NBEA: variants seen among roughly 807,000 people sequenced by gnomAD.
NBEA encodes neurobeachin.
In NBEA, 44 loss-of-function variants were observed where a neutral mutation model predicts 343.4. That is an observed-to-expected ratio of 0.13 (90% CI 0.10 to 0.16). The LOEUF (loss-of-function observed/expected upper bound fraction) is 0.16, where lower values mean the gene tolerates loss of function less well. Among genes scored for constraint, NBEA ranks in the 10% least tolerant of loss-of-function variants. The pLI is 1.00. For synonymous variants in NBEA, 1,175 were observed against 1,238.7 expected, an observed-to-expected ratio of 0.95 and a Z score of 1.08; for missense variants, 2,555 against 3,631.3, an observed-to-expected ratio of 0.70 and a Z score of 7.62.
intron 17 of NBEA, among the ~76,000 whole-genome samples, chr13:35,127,513 C>T (rs1052270707): frequency 1.9e-4 from 29 of 152,062 alleles, no homozygotes; most frequent in Admixed American, 1.4e-3. Context: ...ATGACACAAC[C>T]GTAATGAATT....
intron 47 of NBEA, among the ~76,000 whole-genome samples, chr13:35,595,785 C>A (rs2081764999): frequency 6.6e-6 from 1 of 152,032 alleles, no homozygotes; most frequent in Non-Finnish European, 1.5e-5. Context: ...AAGGGTACCT[C>A]CTTCCCCGTG....
At chr13:35,403,264 A>G (rs898729975) in intron 38 of NBEA, among the ~76,000 whole-genome samples, 2 of 152,050 alleles carry the variant, frequency 1.3e-5, no homozygotes, top group African/African-American at 2.4e-5. Context: ...ATTAATAACA[A>G]ATATTAATAA....
chr13:35,149,545 A>G (rs1045109555), intron 18 of NBEA, among the ~76,000 whole-genome samples: 3 of 152,228 alleles, frequency 2.0e-5, no homozygotes, highest in Non-Finnish European at 4.4e-5. Context: ...TGACAGCATT[A>G]AAATCCTCCT....
intron 40 of NBEA, among the ~76,000 whole-genome samples, chr13:35,455,275 T>C (rs1180768002): frequency 6.6e-6 from 1 of 151,964 alleles, no homozygotes; most frequent in Non-Finnish European, 1.5e-5. Flanking sequence ...CAATATGTAA[T>C]AAGTTAAATT....
chr13:35,209,344 T>TA (rs2073612246), intron 32 of NBEA, among the ~76,000 whole-genome samples: 1 of 152,154 alleles, frequency 6.6e-6, no homozygotes, highest in Non-Finnish European at 1.5e-5. Context: ...CTCAACTTGA[T>TA]AAAAAGTGCA....
chr13:35,036,438 A>G (rs867942590), intron 1 of NBEA, among the ~76,000 whole-genome samples: 10 of 152,118 alleles, frequency 6.6e-5, no homozygotes, highest in African/African-American at 1.2e-4. Context: ...TTTGCAAACC[A>G]CAGTAACAGT....
At chr13:35,657,955 G>C (rs908712034) in intron 55 of NBEA, among the ~76,000 whole-genome samples, 2 of 152,008 alleles carry the variant, frequency 1.3e-5, no homozygotes, top group Non-Finnish European at 2.9e-5. Context: ...TTAAATTATA[G>C]TAATTATCTA....
At chr13:35,080,393 G>A (rs2064330648) in intron 10 of NBEA, among the ~76,000 whole-genome samples, 1 of 152,054 alleles carries the variant, frequency 6.6e-6, no homozygotes, top group Non-Finnish European at 1.5e-5. Flanking sequence ...GACTTGAGTG[G>A]GGTCTTACGT....
At chr13:35,539,733 G>A (rs1332418186) in intron 41 of NBEA, among the ~76,000 whole-genome samples, 4 of 151,012 alleles carry the variant, frequency 2.6e-5, no homozygotes, top group African/African-American at 7.3e-5. Context: ...TGGCTAACAC[G>A]GTGAAACCCC....
chr13:35,663,077 G>A (rs1210210094), intron 55 of NBEA, among the ~76,000 whole-genome samples: 3 of 152,132 alleles, frequency 2.0e-5, no homozygotes, highest in Admixed American at 6.5e-5. Context: ...GGGTAATTAG[G>A]ATATCCAACA....
chr13:34,977,313 C>CTTT (rs754986587), intron 1 of NBEA, among the ~76,000 whole-genome samples: 2 of 142,660 alleles, frequency 1.4e-5, no homozygotes, highest in South Asian at 2.3e-4. Flanking sequence ...ACATAATTAT[C>CTTT]TTTTTTTTTT....
chr13:35,077,073 G>A (rs191637955), intron 10 of NBEA, among the ~76,000 whole-genome samples: 24 of 152,088 alleles, frequency 1.6e-4, no homozygotes, highest in African/African-American at 4.3e-4. Flanking sequence ...CCATCCAGGG[G>A]TGAGATGTGA....
intron 38 of NBEA, among the ~76,000 whole-genome samples, chr13:35,353,587 T>G (rs1250243845): frequency 6.6e-6 from 1 of 152,164 alleles, no homozygotes; most frequent in African/African-American, 2.4e-5. Context: ...TTTAAAATAG[T>G]CAGCATTTAA....
chr13:35,303,160 T>G (rs1481327027), intron 35 of NBEA, among the ~76,000 whole-genome samples: 6 of 152,158 alleles, frequency 3.9e-5, no homozygotes, highest in Non-Finnish European at 5.9e-5. Flanking sequence ...CTCATTTTCA[T>G]AATTAGTAAT....
chr13:35,252,391 T>G (rs1473867705), intron 34 of NBEA, among the ~76,000 whole-genome samples: 1 of 152,106 alleles, frequency 6.6e-6, no homozygotes, highest in African/African-American at 2.4e-5. Context: ...AAAATGAGAT[T>G]TGGGTGGAAA....
At chr13:35,596,538 C>T (rs371012768) in intron 47 of NBEA, among the ~76,000 whole-genome samples, 15 of 152,050 alleles carry the variant, frequency 9.9e-5, no homozygotes, top group East Asian at 1.9e-4. Context: ...TGCTAATGAA[C>T]GCAAGCTGGG....
chr13:35,210,984 T>C (rs1355419612), intron 32 of NBEA, 69 bp from the exon 33 acceptor site: 1 of 1,451,102 alleles, frequency 6.9e-7, no homozygotes, highest in Non-Finnish European at 9.3e-7. Flanking sequence ...AATCAGATAG[T>C]AATGGTGTAA....
At chr13:35,133,213 C>A (rs2067522948) in intron 17 of NBEA, among the ~76,000 whole-genome samples, 1 of 152,006 alleles carries the variant, frequency 6.6e-6, no homozygotes, top group Admixed American at 6.6e-5. Flanking sequence ...ACAGACAATT[C>A]ACTGAAGAGG....
intron 1 of NBEA, among the ~76,000 whole-genome samples, chr13:35,007,482 C>A (rs1474276833): frequency 1.3e-5 from 2 of 151,968 alleles, no homozygotes; most frequent in African/African-American, 4.8e-5. Flanking sequence ...CTGCTGAAAT[C>A]TTCAATCTTT....
Sources: gnomAD v4.1 joint callset for allele counts (sites outside exome capture counted in the v4.1 genomes callset) on GRCh38, gnomAD v4.1.1 for gene constraint, MANE v1.5 for transcripts, NCBI Gene and HGNC (gene_info 2026-07-23, HGNC 2026-07-21) for gene names.